DENND1A: variants seen among roughly 807,000 people sequenced by gnomAD.
DENND1A encodes the protein DENN domain-containing protein 1A.
Under a neutral mutation model 113.7 loss-of-function variants are expected in DENND1A, and 51 were observed. The observed-to-expected ratio is 0.45, with a 90% confidence interval of 0.36 to 0.57. The LOEUF (loss-of-function observed/expected upper bound fraction) is 0.57, where lower values mean the gene tolerates loss of function less well. Ranked by LOEUF, DENND1A falls within the 20% of genes least tolerant of loss-of-function variation. The pLI, the probability that DENND1A is intolerant of heterozygous loss-of-function variation, is 0.00. For synonymous variants in DENND1A, 565 were observed against 570.8 expected (o/e 0.99, Z 0.14); for missense variants, 1,258 against 1,395.9 (o/e 0.90, Z 1.57).
chr9:123,896,055 T>A (rs903543941), intron 1 of DENND1A, among the ~76,000 whole-genome samples: 1 of 151,988 alleles, frequency 6.6e-6, no homozygotes, highest in Admixed American at 6.6e-5. Context: ...GTGGCTCACA[T>A]CTGTAATTCT....
intron 10 of DENND1A, among the ~76,000 whole-genome samples, chr9:123,618,131 C>T (rs1256362532): frequency 6.6e-6 from 1 of 152,210 alleles, no homozygotes; most frequent in Non-Finnish European, 1.5e-5. Flanking sequence ...TGGTGCTGCA[C>T]ATACTGTCCC....
intron 8 of DENND1A, among the ~76,000 whole-genome samples, chr9:123,662,517 T>G (rs1373440503): frequency 2.0e-5 from 3 of 152,172 alleles, no homozygotes; most frequent in Non-Finnish European, 4.4e-5. Flanking sequence ...GAGCCGAGAT[T>G]GTGCCACTGC....
chr9:123,607,547 AGTGT>A (rs555605927), intron 11 of DENND1A, among the ~76,000 whole-genome samples: 839 of 68,008 alleles, frequency 0.012, 4 homozygotes, highest in African/African-American at 0.015. Flanking sequence ...AGAGAGAGAG[AGTGT>A]GTGTGTGTGT....
intron 2 of DENND1A, among the ~76,000 whole-genome samples, chr9:123,844,703 G>A (rs566251634): frequency 6.6e-6 from 1 of 152,226 alleles, no homozygotes; most frequent in East Asian, 1.9e-4. Context: ...GCTTTTTGCA[G>A]AAATTGATAA....
At chr9:123,742,560 T>C (rs2131122429) in intron 5 of DENND1A, among the ~76,000 whole-genome samples, 1 of 152,318 alleles carries the variant, frequency 6.6e-6, no homozygotes, top group East Asian at 1.9e-4. Flanking sequence ...GCAATCTCAG[T>C]TCATCCTTAG....
intron 13 of DENND1A, among the ~76,000 whole-genome samples, chr9:123,550,414 C>G (rs987562766): frequency 6.6e-6 from 1 of 152,258 alleles, no homozygotes; most frequent in Non-Finnish European, 1.5e-5. Flanking sequence ...TCCATCTACA[C>G]TGGCCTTTCC....
In DENND1A at chr9:123,583,827, T is replaced by A. The variant is rs544844166; in HGVS notation, c.766-557A>T. Among the ~76,000 whole-genome samples, 6 of 152,328 alleles carry A rather than the reference T, an allele frequency of 3.9e-5. No individual in the cohort carries two copies. The South Asian group carries it at 1.2e-3, about 32-fold the overall frequency. ...GTTCCATTTTCCACAGATATCCAGT[T>A]AGTAATGGCTCAGAAGCTCTGGCCA... On this transcript the variant is annotated intron_variant, in intron 11 of 23. Coordinates refer to ENST00000394215, the MANE Select transcript of DENND1A (RefSeq NM_001352964.2).
chr9:123,400,865 C>A (rs923491530), intron 21 of DENND1A: 7 of 152,158 alleles, frequency 4.6e-5, no homozygotes, highest in African/African-American at 1.7e-4. Flanking sequence ...ATTTAATGTG[C>A]AATTGGAAGT....
At chr9:123,399,794 A>G (rs2043333315) in intron 21 of DENND1A, among the ~76,000 whole-genome samples, 1 of 152,236 alleles carries the variant, frequency 6.6e-6, no homozygotes, top group African/African-American at 2.4e-5. Flanking sequence ...TTCCAAGGAC[A>G]GCATCAGAAT....
At chr9:123,432,044 G>A (rs935798039) in intron 19 of DENND1A, among the ~76,000 whole-genome samples, 1 of 152,098 alleles carries the variant, frequency 6.6e-6, no homozygotes, top group Non-Finnish European at 1.5e-5. Flanking sequence ...GTTCTTCCAT[G>A]GTACATCAGG....
intron 10 of DENND1A, among the ~76,000 whole-genome samples, chr9:123,624,117 C>A (rs2061088390): frequency 6.6e-6 from 1 of 152,212 alleles, no homozygotes; most frequent in Non-Finnish European, 1.5e-5. Context: ...ATTGAGAGTT[C>A]ATTTCTACAG....
At chr9:123,708,535 T>C (rs1001475105) in intron 5 of DENND1A, among the ~76,000 whole-genome samples, 2 of 152,172 alleles carry the variant, frequency 1.3e-5, no homozygotes, top group African/African-American at 4.8e-5. Flanking sequence ...TGTTGCACAT[T>C]TACTTCAGAG....
intron 1 of DENND1A, among the ~76,000 whole-genome samples, chr9:123,906,133 G>T (rs1160456639): frequency 1.3e-5 from 2 of 151,828 alleles, no homozygotes; most frequent in South Asian, 4.2e-4. Flanking sequence ...AATGAAGGCA[G>T]AAATAAAGAT....
intron 2 of DENND1A, chr9:123,798,251 A>G (rs780813029): frequency 6.6e-6 from 1 of 152,242 alleles, no homozygotes; most frequent in Non-Finnish European, 1.5e-5. Flanking sequence ...GAAAGACAGC[A>G]AAAACCCACC....
At chr9:123,680,365 C>G (rs2064364373) in intron 5 of DENND1A, among the ~76,000 whole-genome samples, 1 of 152,224 alleles carries the variant, frequency 6.6e-6, no homozygotes, top group African/African-American at 2.4e-5. Context: ...CACCCACTGC[C>G]TTCCCGATCC....
intron 7 of DENND1A, among the ~76,000 whole-genome samples, chr9:123,669,650 C>T (rs73580152): frequency 0.014 from 2,061 of 152,298 alleles, 57 homozygotes; most frequent in African/African-American, 0.048. Flanking sequence ...GATGTCATTA[C>T]GGACTGAAGT....
At chr9:123,749,352 G>A (rs1418780746) in intron 5 of DENND1A, among the ~76,000 whole-genome samples, 1 of 152,182 alleles carries the variant, frequency 6.6e-6, no homozygotes, top group Non-Finnish European at 1.5e-5. Flanking sequence ...TAGAAAGAGA[G>A]GACAAATAAC....
At chr9:123,843,328 T>C (rs1323245391) in intron 2 of DENND1A, 2 of 380,788 alleles carry the variant, frequency 5.3e-6, no homozygotes, top group East Asian at 7.2e-5. Flanking sequence ...ATGTAATTTT[T>C]GTTCTATATG....
chr9:123,772,225 C>T (rs375522777), intron 3 of DENND1A, among the ~76,000 whole-genome samples: 2 of 152,152 alleles, frequency 1.3e-5, no homozygotes. Flanking sequence ...TACACATAAA[C>T]ATTCATGTCT....
Sources: allele counts gnomAD v4.1 joint callset (sites outside exome capture counted in the v4.1 genomes callset), GRCh38; gene constraint gnomAD v4.1.1; transcripts MANE v1.5; gene names NCBI Gene and HGNC (gene_info 2026-07-23, HGNC 2026-07-21).